GALNT10: variants seen among roughly 807,000 people sequenced by gnomAD.
GALNT10 encodes GalNAc transferase 10.
Under a neutral mutation model 75.0 loss-of-function variants are expected in GALNT10, and 41 were observed. The ratio of observed to expected loss-of-function variants is 0.55; its 90% CI spans 0.43 to 0.71. The LOEUF is 0.71. Ranked by LOEUF, GALNT10 falls within the 30% of genes least tolerant of loss-of-function variation. The pLI is 0.00. For synonymous variants in GALNT10, 302 were observed against 313.0 expected, an observed-to-expected ratio of 0.96 and a Z score of 0.37; for missense variants, 727 against 818.5, an observed-to-expected ratio of 0.89 and a Z score of 1.36.
Position 154,380,559 on chromosome 5 carries a change from A to G in GALNT10, c.866A>G (p.Asp289Gly), listed in dbSNP as rs753728855. Residue 289 changes from aspartate to glycine, a missense_variant, in exon 6 of 12, where the codon GAC becomes GGC. By Grantham distance (94) the Asp-to-Gly change is moderately conservative. Transcript: ENST00000297107. The stretch of plus-strand genomic sequence containing the variant: ...GGGGATGCCATGCGGGGAGCCTTTG[A>G]CTGGGAGATGTACTACAAGCGGATC... ...QAGDAMRGAFDWEMYYKRIPI... is the reference protein window; with the variant it reads ...QAGDAMRGAFGWEMYYKRIPI... 1.2e-6 allele frequency: 2 copies of G among 1,613,898 alleles called. No individual in the cohort carries two copies. The highest frequency in any genetic ancestry group is 1.3e-5 in the African/African-American group (1 of 74,984).
At chr5:154,194,410 A>G (rs1235926575) in intron 1 of GALNT10, among the ~76,000 whole-genome samples, 2 of 152,224 alleles carry the variant, frequency 1.3e-5, no homozygotes, top group African/African-American at 4.8e-5. Flanking sequence ...AAGGGCTAGT[A>G]TCCTTTAGCT....
chr5:154,410,775 C>T (rs1015102048), intron 9 of GALNT10, among the ~76,000 whole-genome samples: 10 of 152,236 alleles, frequency 6.6e-5, no homozygotes, highest in East Asian at 5.8e-4. Context: ...TCAGTGTCTT[C>T]GCACATGCTG....
At chr5:154,201,564 C>CT (rs1206334812) in intron 1 of GALNT10, among the ~76,000 whole-genome samples, 4 of 152,138 alleles carry the variant, frequency 2.6e-5, no homozygotes, top group Non-Finnish European at 5.9e-5. Flanking sequence ...TCTACCCTGT[C>CT]TAATAAAGTT....
Position 154,275,134 on chromosome 5 carries a change from T to C in GALNT10, c.160-19682T>C, listed in dbSNP as rs187797567. The stretch of plus-strand genomic sequence containing the variant: ...AATGAGTTGAGCTTCCAGACTCAGC[T>C]TTCTTTGGGTCTTCTATTCAGTTCA... On this transcript the variant is annotated intron_variant, in intron 1 of 11. Transcript: ENST00000297107. Among the ~76,000 whole-genome samples the C allele has an allele frequency of 7.2e-5, 11 of 152,360 alleles. No individual in the cohort carries two copies. The East Asian group carries it at 1.9e-3, about 27-fold the overall frequency.
chr5:154,219,838 T>TCTCTCTCACA (rs1491445463), intron 1 of GALNT10, among the ~76,000 whole-genome samples: 16 of 125,556 alleles, frequency 1.3e-4, no homozygotes, highest in African/African-American at 4.6e-4. Context: ...TCTCTCTCTC[T>TCTCTCTCACA]CACACACACA....
In GALNT10 at chr5:154,409,481, C is replaced by A; in HGVS notation, c.1165-60C>A. The A allele has an allele frequency of 1.8e-6, 2 of 1,106,074 alleles. No individual in the cohort carries two copies. Among genetic ancestry groups the A allele is most frequent in the Non-Finnish European group, 2.8e-6 (2 of 715,520 alleles). The allele number at this position is 1,106,074 out of a possible 1,614,324, so 68.5% of individuals were successfully genotyped here. On this transcript the variant is annotated intron_variant, in intron 8 of 11. Coordinates refer to ENST00000297107, the MANE Select transcript of GALNT10 (RefSeq NM_198321.4). The surrounding 1 kb of genome is among the most constrained non-coding windows in gnomAD (Gnocchi z 4.5). ...TCGACCTGCCAGGACCCTTTTCACC[C>A]CACTGCCTGGCTTTGGCTTCTTGGA... is the stretch of plus-strand genomic sequence containing the variant.
chr5:154,264,855 G>T (rs1307090077), intron 1 of GALNT10, among the ~76,000 whole-genome samples: 1 of 152,158 alleles, frequency 6.6e-6, no homozygotes, highest in Non-Finnish European at 1.5e-5. Context: ...AGTTCTCAGA[G>T]AGTGCCTGAA....
intron 3 of GALNT10, among the ~76,000 whole-genome samples, chr5:154,306,727 AAACAAC>A (rs144641314): frequency 0.016 from 2,360 of 152,200 alleles, 45 homozygotes; most frequent in African/African-American, 0.053. Flanking sequence ...GCTGGTCAAA[AAACAAC>A]AACAACAACA....
At chr5:154,408,054 G>T (rs981715465) in intron 8 of GALNT10, among the ~76,000 whole-genome samples, 1 of 152,154 alleles carries the variant, frequency 6.6e-6, no homozygotes, top group Non-Finnish European at 1.5e-5. Context: ...ATCAAAAGAA[G>T]AATATTTTGT....
At chr5:154,259,506 A>T (rs866548946) in intron 1 of GALNT10, among the ~76,000 whole-genome samples, 3 of 152,338 alleles carry the variant, frequency 2.0e-5, no homozygotes, top group South Asian at 2.1e-4. Flanking sequence ...AGATTATATG[A>T]AAATCCAGTT....
intron 1 of GALNT10, among the ~76,000 whole-genome samples, chr5:154,191,814 C>G (rs927816440): frequency 1.3e-5 from 2 of 152,242 alleles, no homozygotes; most frequent in African/African-American, 4.8e-5. Context: ...CCTTCCCTAT[C>G]TCTTCTGAAC....
At chr5:154,202,403 G>A (rs1775040204) in intron 1 of GALNT10, among the ~76,000 whole-genome samples, 1 of 152,224 alleles carries the variant, frequency 6.6e-6, no homozygotes, top group African/African-American at 2.4e-5. Flanking sequence ...AGCAGAAACA[G>A]CAATGATCAT....
At chr5:154,382,648 C>T (rs904645157) in intron 6 of GALNT10, among the ~76,000 whole-genome samples, 1 of 152,178 alleles carries the variant, frequency 6.6e-6, no homozygotes, top group African/African-American at 2.4e-5. Context: ...AAGACTTGTC[C>T]TAGTTGACAT....
chr5:154,316,372 T>C (rs1754593738), intron 3 of GALNT10, among the ~76,000 whole-genome samples: 1 of 152,230 alleles, frequency 6.6e-6, no homozygotes, highest in African/African-American at 2.4e-5. Flanking sequence ...TAAGCCTCAC[T>C]ACCTTACTTG....
chr5:154,411,474 G>A (rs185218014), intron 9 of GALNT10, among the ~76,000 whole-genome samples: 1 of 152,374 alleles, frequency 6.6e-6, no homozygotes, highest in African/African-American at 2.4e-5. Context: ...AGCAAGGGTA[G>A]GATGGACACT....
chr5:154,416,752 C>A lies in GALNT10; in HGVS notation c.1654-62C>A. 1 of 1,150,320 alleles carries A rather than the reference C, an allele frequency of 8.7e-7. No individual in the cohort carries two copies. Among genetic ancestry groups the A allele is most frequent in the Non-Finnish European group, 1.3e-6 (1 of 763,464 alleles). The allele number at this position is 1,150,320 out of a possible 1,614,324, so 71.3% of individuals were successfully genotyped here. A position where few individuals can be genotyped will look rare whatever the true frequency, so the allele number is the denominator to read the frequency against. Reference sequence around the variant, plus strand: ...CACTTTCTCATTGCTGGTATTGTTGCTGTGGTTTGACTGGCCACATGTCTC... The same window carrying A: ...CACTTTCTCATTGCTGGTATTGTTGATGTGGTTTGACTGGCCACATGTCTC... On this transcript the variant is annotated intron_variant, in intron 11 of 11. Transcript: ENST00000297107. The surrounding 1 kb of genome is among the most constrained non-coding windows in gnomAD (Gnocchi z 4.5).
At chr5:154,220,766 C>T (rs1017080487) in intron 1 of GALNT10, among the ~76,000 whole-genome samples, 5 of 151,490 alleles carry the variant, frequency 3.3e-5, no homozygotes, top group Non-Finnish European at 7.4e-5. Context: ...TAGAAGAAGT[C>T]CAGGTACCTT....
chr5:154,307,772 C>T (rs913411935), intron 3 of GALNT10, among the ~76,000 whole-genome samples: 1 of 151,606 alleles, frequency 6.6e-6, no homozygotes, highest in East Asian at 1.9e-4. Context: ...GACCAATATC[C>T]CTCATGAATG....
At chr5:154,269,959 A>C (rs1753836359) in intron 1 of GALNT10, among the ~76,000 whole-genome samples, 1 of 152,084 alleles carries the variant, frequency 6.6e-6, no homozygotes, top group Admixed American at 6.6e-5. Context: ...GTCTGACCCA[A>C]GCAGGGATAC....
Sources: gnomAD v4.1 joint callset for allele counts (sites outside exome capture counted in the v4.1 genomes callset) on GRCh38, gnomAD v4.1.1 for gene constraint, Gnocchi (gnomAD v3.1) non-coding constraint, MANE v1.5 for transcripts, NCBI Gene and HGNC (gene_info 2026-07-23, HGNC 2026-07-21) for gene names.